ARHGEF40: variants seen among roughly 807,000 people sequenced by gnomAD.
ARHGEF40 encodes Rho guanine nucleotide exchange factor 40.
A neutral mutation model predicts 165.9 loss-of-function variants in ARHGEF40; 98 were observed. The observed-to-expected ratio is 0.59, with a 90% CI of 0.50 to 0.70. The LOEUF (loss-of-function observed/expected upper bound fraction) is 0.70, where lower values mean the gene tolerates loss of function less well. ARHGEF40 is among the 30% of genes least tolerant of loss of function. The pLI is 0.00. For synonymous variants in ARHGEF40, 792 were observed against 814.3 expected (o/e 0.97, Z 0.47); for missense variants, 1,815 against 1,968.0 (o/e 0.92, Z 1.47).
chr14:21,074,354 ACCTCCAGGGCTTCCCAGC>A lies in ARHGEF40; in HGVS notation c.631_648del (p.Gly211_Pro216del), dbSNP rs781714048. 1.6e-4 allele frequency: 257 copies of A among 1,614,000 alleles called. 2 individuals carry two copies. In the Middle Eastern group the frequency reaches 7.4e-3, roughly 47 times the overall value. On this transcript the variant is annotated inframe_deletion, in exon 3 of 24. Transcript: ENST00000298694. This position sits in a 1 kb window ranked among gnomAD's most constrained non-coding sequence, Gnocchi z 4.8. ...CACTGCCCCCAGAACTGCCCTCTGG[ACCTCCAGGGCTTCCCAGC>A]CCTCCACTTCCTGAGGAGGCGCTGG...
At position 21,088,066 on chromosome 14, in the gene ARHGEF40, G is replaced by A. The variant is rs1249303446; in HGVS notation, c.4486G>A (p.Ala1496Thr). ...CCCTGGGAGCAGCACTCCCACCCTGGCCAGTCGAGGGATCTTAGGGCTATC... is the reference window on the plus strand; with the variant it reads ...CCCTGGGAGCAGCACTCCCACCCTGACCAGTCGAGGGATCTTAGGGCTATC... ...PHPGSSTPTL[A>T]SRGILGLSRQ... Residue 1496 changes from alanine (A) to threonine (T), a missense_variant, in exon 22 of 24, where the codon GCC becomes ACC. Physicochemically the swap from Ala to Thr is moderately conservative, Grantham distance 58. Transcript: ENST00000298694. 7 of 1,613,774 alleles carry A rather than the reference G, an allele frequency of 4.3e-6. No individual in the cohort carries two copies. The highest frequency in any genetic ancestry group is 5.9e-6 in the Non-Finnish European group (7 of 1,179,846).
chr14:21,077,301 T>C (rs1233873410), intron 8 of ARHGEF40, among the ~76,000 whole-genome samples: 1 of 123,770 alleles, frequency 8.1e-6, no homozygotes, highest in Non-Finnish European at 1.8e-5. Context: ...TTTTTTTTTG[T>C]AGAGACGGGG....
At chr14:21,082,534 T>C in intron 15 of ARHGEF40, 56 bp downstream of exon 15, 1 of 1,490,374 alleles carries the variant, frequency 6.7e-7, no homozygotes, top group Non-Finnish European at 9.0e-7. Flanking sequence ...TCCAGCCTCA[T>C]CCATCTGTCC....
In ARHGEF40 at chr14:21,085,889, G is replaced by C. The variant is rs376807850; in HGVS notation, c.4138+23G>C. The C allele has an allele frequency of 5.5e-5, 88 of 1,611,452 alleles. No individual in the cohort carries two copies. The Admixed American group carries it at 6.3e-4, about 12-fold the overall frequency. ...AGGGTACTGGGCAGAGCTGAGGAAG[G>C]GGGTGCTTGGAGTCAGGGTTATAGC... On this transcript the variant is annotated intron_variant, in intron 19 of 23. Coordinates refer to ENST00000298694, the MANE Select transcript of ARHGEF40 (RefSeq NM_018071.5).
intron 18 of ARHGEF40, 67 bp from the exon 19 acceptor site, chr14:21,085,622 T>C: frequency 6.4e-7 from 1 of 1,555,444 alleles, no homozygotes; most frequent in Non-Finnish European, 8.7e-7. Flanking sequence ...AGCCCAGTGC[T>C]TGCCATGTGG....
At position 21,074,933 on chromosome 14, in the gene ARHGEF40, C is replaced by A; in HGVS notation, c.1203C>A (p.Ser401Arg). Residue 401 changes from serine (S) to arginine (R), a missense_variant, in exon 3 of 24, where the codon AGC becomes AGA. Ser to Arg is a moderately radical substitution (Grantham distance 110). Transcript: ENST00000298694. The surrounding 1 kb of genome is among the most constrained non-coding windows in gnomAD (Gnocchi z 4.8). Reference sequence around the variant, plus strand: ...GAGGAGGGGACAGTGCCCCACTGAGCCCTGGGGACAAGGAAGATGCCAGCC... The same window carrying A: ...GAGGAGGGGACAGTGCCCCACTGAGACCTGGGGACAAGGAAGATGCCAGCC... ...LSRGGDSAPLSPGDKEDASHQ... is the reference protein window; with the variant it reads ...LSRGGDSAPLRPGDKEDASHQ... 6.2e-7 allele frequency: 1 copy of A among 1,607,308 alleles called. No homozygotes were observed. The highest frequency in any genetic ancestry group is 8.5e-7 in the Non-Finnish European group (1 of 1,177,350).
At chr14:21,063,843 T>A in the ARHGEF40 span, among the ~76,000 whole-genome samples, 1 of 152,254 alleles carries the variant, frequency 6.6e-6, no homozygotes, top group Non-Finnish European at 1.5e-5. Flanking sequence ...TCTCTCATTA[T>A]GCTTAAAATT....
intron 22 of ARHGEF40, 145 bp downstream of exon 22, chr14:21,088,243 C>A: frequency 9.2e-7 from 1 of 1,086,886 alleles, no homozygotes; most frequent in Non-Finnish European, 1.3e-6. Context: ...GATTTATTAT[C>A]TTGTCTACCT....
At chr14:21,068,342 T>C (rs1209006171), upstream of ARHGEF40, among the ~76,000 whole-genome samples, 1 of 152,016 alleles carries the variant, frequency 6.6e-6, no homozygotes, top group Admixed American at 6.5e-5. Flanking sequence ...ATCCACTCCC[T>C]TTTTCCAGGA....
chr14:21,069,391 A>G (rs1269049851), upstream of ARHGEF40, among the ~76,000 whole-genome samples: 1 of 152,176 alleles, frequency 6.6e-6, no homozygotes, highest in African/African-American at 2.4e-5. Flanking sequence ...CCACCCCAAC[A>G]GAAGGAAGGG....
intron 13 of ARHGEF40, 108 bp from the exon 14 acceptor site, chr14:21,081,401 C>A: frequency 1.4e-6 from 2 of 1,440,910 alleles, no homozygotes; most frequent in Non-Finnish European, 1.9e-6. Context: ...GAGTGACGGG[C>A]ATTGGGAGGC....
At position 21,078,949 on chromosome 14, in the gene ARHGEF40, G is replaced by A. The variant is rs761052679; in HGVS notation, c.2312G>A (p.Arg771His). 22 of 1,614,034 alleles carry A rather than the reference G, an allele frequency of 1.4e-5. No individual in the cohort carries two copies. The highest frequency in any genetic ancestry group is 1.3e-4 in the East Asian group (6 of 44,890). The stretch of plus-strand genomic sequence containing the variant: ...GACGAGGCCATTCACCAGCTTGTGC[G>A]CCTCTCCAACCTGCACGTGCAGCAG... ...EVDEAIHQLV[R>H]LSNLHVQQQE... The change falls in exon 11 of 24, where the codon CGC becomes CAC. Residue 771 changes from arginine (R) to histidine (H), a missense_variant. Arg to His is a conservative substitution (Grantham distance 29). Coordinates refer to ENST00000298694, the MANE Select transcript of ARHGEF40 (RefSeq NM_018071.5).
chr14:21,078,798 A>T, intron 10 of ARHGEF40, 86 bp from the exon 11 acceptor site: 2 of 1,536,816 alleles, frequency 1.3e-6, no homozygotes, highest in Admixed American at 1.8e-5. Flanking sequence ...GCAACCTCTC[A>T]TGTTTGCATC....
upstream of ARHGEF40, among the ~76,000 whole-genome samples, chr14:21,069,832 T>G (rs1306995328): frequency 6.6e-6 from 1 of 152,124 alleles, no homozygotes; most frequent in African/African-American, 2.4e-5. Context: ...TAGAAACCGT[T>G]GAGAGAAGAG....
In ARHGEF40 at chr14:21,078,489, G is replaced by A. The variant is rs780092964; in HGVS notation, c.2246+1G>A. The A allele has an allele frequency of 6.3e-7, 1 of 1,578,040 alleles. No homozygotes were observed. The highest frequency in any genetic ancestry group is 2.2e-5 in the East Asian group (1 of 44,486). ...GGCTGCGCTCCACTCCCAGCAGCAA[G>A]TACGAAGTATGGGTGTGCGGAGGCA... On this transcript the variant is annotated splice_donor_variant, in intron 10 of 23. Coordinates refer to ENST00000298694, the MANE Select transcript of ARHGEF40 (RefSeq NM_018071.5). LOFTEE classifies it high-confidence loss of function.
intron 22 of ARHGEF40, 96 bp from the exon 23 acceptor site, chr14:21,088,734 G>A: frequency 3.9e-6 from 5 of 1,287,576 alleles, no homozygotes; most frequent in Non-Finnish European, 5.5e-6. Context: ...GTAGGAAAGA[G>A]AGGTGAATTG....
intron 1 of ARHGEF40, chr14:21,071,021 G>T (rs1886783084): frequency 2.9e-6 from 2 of 697,992 alleles, no homozygotes. Context: ...CAGTACCAGG[G>T]GGCGTGACAC....
chr14:21,073,017 G>T lies in ARHGEF40; in HGVS notation c.4-28G>T. 1.2e-6 allele frequency: 2 copies of T among 1,605,106 alleles called. No homozygotes were observed. The highest frequency in any genetic ancestry group is 1.1e-5 in the South Asian group (1 of 90,704). The stretch of plus-strand genomic sequence containing the variant: ...GAGCCATGATTGGGTGATCTCTAGG[G>T]ATCTGTAGCCTGGTCCTATCTCTAC... On this transcript the variant is annotated intron_variant, in intron 1 of 23. Coordinates refer to ENST00000298694, the MANE Select transcript of ARHGEF40 (RefSeq NM_018071.5). The surrounding 1 kb of genome is among the most constrained non-coding windows in gnomAD (Gnocchi z 4.6).
rs1199296575 is a variant in ARHGEF40 at position 21,073,297 on chromosome 14, ACAGACTAGC to A, written c.201+59_201+67del. The A allele has an allele frequency of 3.3e-5, 51 of 1,533,178 alleles. No homozygotes were observed. The highest frequency in any genetic ancestry group is 4.1e-5 in the Non-Finnish European group (46 of 1,134,294). 95.0% of individuals were successfully genotyped at this position (1,533,178 alleles called of 1,614,324 possible). ...TCCCCAAGATCCACTGCCACACTCTACAGACTAGCCAGGCTGACTAATGCCCCCACTAAC... is the reference window on the plus strand; with the variant it reads ...TCCCCAAGATCCACTGCCACACTCTACAGGCTGACTAATGCCCCCACTAAC... On this transcript the variant is annotated intron_variant, in intron 2 of 23. Coordinates refer to ENST00000298694, the MANE Select transcript of ARHGEF40 (RefSeq NM_018071.5). The surrounding 1 kb of genome is among the most constrained non-coding windows in gnomAD (Gnocchi z 4.6).
Sources: gnomAD v4.1 joint callset for allele counts (sites outside exome capture counted in the v4.1 genomes callset) on GRCh38, gnomAD v4.1.1 for gene constraint, Gnocchi (gnomAD v3.1) non-coding constraint, MANE v1.5 for transcripts, NCBI Gene and HGNC (gene_info 2026-07-23, HGNC 2026-07-21) for gene names.